The following ABLIM1 variants were observed in gnomAD, a reference collection of about 807,000 sequenced individuals.
ABLIM1 encodes actin binding LIM protein 1, also known as actin-binding LIM protein 1.
Under a neutral mutation model 107.0 loss-of-function variants are expected in ABLIM1, and 40 were observed. The ratio of observed to expected loss-of-function variants is 0.37; its 90% confidence interval spans 0.29 to 0.49. The LOEUF (loss-of-function observed/expected upper bound fraction) is 0.49, where lower values mean the gene tolerates loss of function less well. Ranked by LOEUF, ABLIM1 falls within the 20% of genes least tolerant of loss-of-function variation. The pLI is 0.97. For synonymous variants in ABLIM1, 357 were observed against 357.3 expected (o/e 1.00, Z 0.01); for missense variants, 857 against 1,008.5 (o/e 0.85, Z 2.04).
intron 1 of ABLIM1, among the ~76,000 whole-genome samples, chr10:114,701,562 A>G (rs953458801): frequency 6.6e-6 from 1 of 152,192 alleles, no homozygotes; most frequent in African/African-American, 2.4e-5. Context: ...ATACCTATAT[A>G]ATGGAATATT....
chr10:114,540,707 G>A (rs2066549435), intron 6 of ABLIM1, among the ~76,000 whole-genome samples: 1 of 152,154 alleles, frequency 6.6e-6, no homozygotes, highest in Non-Finnish European at 1.5e-5. Flanking sequence ...TCCCTCAGGT[G>A]TCTGGTGGCA....
At chr10:114,450,176 A>G (rs1485735970) in intron 14 of ABLIM1, 1 of 327,330 alleles carries the variant, frequency 3.1e-6, no homozygotes, top group Non-Finnish European at 6.2e-6. Context: ...TTAAACATTC[A>G]CATGTTAATG....
At chr10:114,516,578 C>CA (rs930941297) in intron 6 of ABLIM1, among the ~76,000 whole-genome samples, 2 of 152,146 alleles carry the variant, frequency 1.3e-5, no homozygotes, top group African/African-American at 2.4e-5. Context: ...CTGTGCAACA[C>CA]AAAAAACAGC....
intron 6 of ABLIM1, among the ~76,000 whole-genome samples, chr10:114,505,808 C>A (rs1032136220): frequency 6.6e-6 from 1 of 152,198 alleles, no homozygotes; most frequent in Non-Finnish European, 1.5e-5. Context: ...ATTTTCCCAT[C>A]CCACCCTGCT....
chr10:114,726,508 A>G (rs888321622), intron 1 of ABLIM1, among the ~76,000 whole-genome samples: 1 of 152,118 alleles, frequency 6.6e-6, no homozygotes, highest in Admixed American at 6.6e-5. Context: ...TTAAACAACC[A>G]GAGATCACAA....
chr10:114,746,128 C>A (rs1219438840), intron 1 of ABLIM1, among the ~76,000 whole-genome samples: 1 of 152,096 alleles, frequency 6.6e-6, no homozygotes, highest in Non-Finnish European at 1.5e-5. Flanking sequence ...ACTGTCCTGG[C>A]AATATTGAAA....
At chr10:114,547,919 T>C (rs2067564401) in intron 4 of ABLIM1, 143 bp from the exon 5 acceptor site, 2 of 1,189,122 alleles carry the variant, frequency 1.7e-6, no homozygotes, top group African/African-American at 1.5e-5. Flanking sequence ...TTTCTTTCCC[T>C]GCACAAAATC....
At chr10:114,690,583 T>G (rs2081053995) in intron 1 of ABLIM1, 1 of 953,134 alleles carries the variant, frequency 1.0e-6, no homozygotes, top group Non-Finnish European at 1.7e-6. Flanking sequence ...TCAAAGGAGA[T>G]GCAGCCCAAG....
intron 1 of ABLIM1, among the ~76,000 whole-genome samples, chr10:114,672,919 T>C (rs1490815480): frequency 6.6e-6 from 1 of 152,176 alleles, no homozygotes; most frequent in African/African-American, 2.4e-5. Context: ...GATGACCATA[T>C]GTGAGTGGTA....
chr10:114,600,605 A>G (rs1210639919), intron 2 of ABLIM1, among the ~76,000 whole-genome samples: 1 of 152,098 alleles, frequency 6.6e-6, no homozygotes, highest in Non-Finnish European at 1.5e-5. Flanking sequence ...TGACAATGCT[A>G]AGTCTTTGTG....
intron 6 of ABLIM1, among the ~76,000 whole-genome samples, chr10:114,534,619 T>C (rs2065798257): frequency 6.6e-6 from 1 of 152,088 alleles, no homozygotes; most frequent in Non-Finnish European, 1.5e-5. Flanking sequence ...CATTTTATTT[T>C]GTGACCCACC....
chr10:114,556,773 G>A (rs1351717655), intron 4 of ABLIM1, among the ~76,000 whole-genome samples: 1 of 152,108 alleles, frequency 6.6e-6, no homozygotes, highest in Non-Finnish European at 1.5e-5. Flanking sequence ...CAGACACCTA[G>A]GAGTTGACAA....
intron 1 of ABLIM1, among the ~76,000 whole-genome samples, chr10:114,734,096 G>C (rs2082130411): frequency 6.6e-6 from 1 of 152,094 alleles, no homozygotes; most frequent in Non-Finnish European, 1.5e-5. Context: ...CTGACCTCAG[G>C]TGATCCGCCC....
In ABLIM1 at chr10:114,465,794, G is replaced by T; in HGVS notation, c.1345C>A (p.Arg449=). ...YQDVRDRMIH[R]STSQGSINSP... Reference sequence around the variant, plus strand: ...TTGATGGAGCCCTGGCTCGTGGACCGATGGATCATCCGATCCCGAACATCC... The same window carrying T: ...TTGATGGAGCCCTGGCTCGTGGACCTATGGATCATCCGATCCCGAACATCC... The change falls in exon 12 of 23, where the codon CGG becomes AGG. Residue 449 remains arginine, a synonymous_variant. Transcript: ENST00000533213. The T allele has an allele frequency of 6.2e-7, 1 of 1,614,056 alleles. No individual in the cohort carries two copies. The highest frequency in any genetic ancestry group is 8.5e-7 in the Non-Finnish European group (1 of 1,179,988).
intron 4 of ABLIM1, among the ~76,000 whole-genome samples, chr10:114,555,379 C>T (rs970217494): frequency 2.0e-5 from 3 of 152,194 alleles, no homozygotes; most frequent in Admixed American, 2.0e-4. Flanking sequence ...TGGGCCCGGG[C>T]TTTGCCTGCC....
At chr10:114,482,305 T>C (rs2145897) in intron 8 of ABLIM1, among the ~76,000 whole-genome samples, 5,066 of 152,302 alleles carry the variant, frequency 0.033, 241 homozygotes, top group African/African-American at 0.11. Flanking sequence ...AAGGAAAAGA[T>C]GGAGCTCATT....
chr10:114,798,348 C>G, the ABLIM1 span, among the ~76,000 whole-genome samples: 1 of 151,922 alleles, frequency 6.6e-6, no homozygotes, highest in African/African-American at 2.4e-5. Context: ...CATTTGAACC[C>G]AGGAGGCAGA....
At chr10:114,489,178 T>C (rs1033339594) in intron 7 of ABLIM1, among the ~76,000 whole-genome samples, 3 of 152,170 alleles carry the variant, frequency 2.0e-5, no homozygotes, top group Admixed American at 6.5e-5. Flanking sequence ...CCACCATGCC[T>C]GGGTGATTTT....
rs2135540346 is a variant in ABLIM1 at position 114,500,688 on chromosome 10, A to G, written c.895-8810T>C. Among the ~76,000 whole-genome samples, 3 of 142,984 alleles carry G rather than the reference A, an allele frequency of 2.1e-5. No individual in the cohort carries two copies. In the South Asian group the frequency reaches 6.7e-4, roughly 32 times the overall value. 93.8% of individuals were successfully genotyped at this position (142,984 alleles called of 152,430 possible). On this transcript the variant is annotated intron_variant, in intron 6 of 22. Coordinates refer to ENST00000533213, the MANE Select transcript of ABLIM1 (RefSeq NM_002313.7). ...AGGAAGACCTTGTGTCGAAAGAAAA[A>G]AAAAAAAAAAAAAGAAAGAGAAGGG...
Sources: gnomAD v4.1 joint callset for allele counts (sites outside exome capture counted in the v4.1 genomes callset) on GRCh38, gnomAD v4.1.1 for gene constraint, MANE v1.5 for transcripts, NCBI Gene and HGNC (gene_info 2026-07-23, HGNC 2026-07-21) for gene names.